ADAMTSL1: variants seen among roughly 807,000 people sequenced by gnomAD.
The protein encoded by ADAMTSL1 is ADAMTS like 1.
A neutral mutation model predicts 201.8 loss-of-function variants in ADAMTSL1; 126 were observed. That is an observed-to-expected ratio of 0.62 (90% CI 0.54 to 0.72). The LOEUF (loss-of-function observed/expected upper bound fraction) is 0.72, where lower values mean the gene tolerates loss of function less well. ADAMTSL1 is among the 30% of genes least tolerant of loss of function. ADAMTSL1 has a pLI of 0.00. For missense variants in ADAMTSL1, 2,679 were observed against 2,277.8 expected, an observed-to-expected ratio of 1.18 and a Z score of -3.59; for synonymous variants, 1,121 against 903.4, an observed-to-expected ratio of 1.24 and a Z score of -4.32.
At chr9:18,820,811 TTC>T (rs1443982250) in intron 21 of ADAMTSL1, among the ~76,000 whole-genome samples, 1 of 152,210 alleles carries the variant, frequency 6.6e-6, no homozygotes, top group Non-Finnish European at 1.5e-5. Flanking sequence ...CCCATGCTTG[TTC>T]TCTATTTGTT....
chr9:17,986,336 A>G (rs1818928423), intron 1 of ADAMTSL1, among the ~76,000 whole-genome samples: 1 of 152,034 alleles, frequency 6.6e-6, no homozygotes. Context: ...TTATACATGT[A>G]AAGGCTGACC....
intron 2 of ADAMTSL1, among the ~76,000 whole-genome samples, chr9:18,429,021 GT>G (rs1453004623): frequency 3.3e-5 from 5 of 152,250 alleles, no homozygotes; most frequent in Admixed American, 6.5e-5. Context: ...TTATCAATGA[GT>G]TTTTTAATGG....
intron 2 of ADAMTSL1, among the ~76,000 whole-genome samples, chr9:18,338,323 C>G (rs930174390): frequency 6.6e-6 from 1 of 152,070 alleles, no homozygotes; most frequent in African/African-American, 2.4e-5. Context: ...ACCTTCGGCC[C>G]CTTTCCTACC....
intron 2 of ADAMTSL1, among the ~76,000 whole-genome samples, chr9:18,391,824 C>CTTTTT (rs11407945): frequency 1.9e-3 from 220 of 116,656 alleles, no homozygotes; most frequent in East Asian, 4.0e-3. Context: ...TCTTTTCTTT[C>CTTTTT]TTTTTTTTTT....
intron 2 of ADAMTSL1, among the ~76,000 whole-genome samples, chr9:18,532,018 A>T (rs975372314): frequency 1.3e-5 from 2 of 152,234 alleles, no homozygotes; most frequent in African/African-American, 2.4e-5. Flanking sequence ...AAATAAATTT[A>T]TACATATAAC....
intron 2 of ADAMTSL1, among the ~76,000 whole-genome samples, chr9:18,230,026 C>T (rs1830590668): frequency 6.6e-6 from 1 of 152,054 alleles, no homozygotes; most frequent in East Asian, 1.9e-4. Context: ...ACCAATATTC[C>T]AGGTACTTTA....
Position 17,975,228 on chromosome 9 carries a change from A to G in ADAMTSL1, c.87+68306A>G, listed in dbSNP as rs140520650. ...TTGGGTCATTTTTTTTTCTTTGGCT[A>G]CTGAGTTGTATGAGTTCTTTACATG... On this transcript the variant is annotated intron_variant, in intron 1 of 29. Coordinates refer to the ADAMTSL1 transcript ENST00000680146. 4.7e-3 allele frequency among the ~76,000 whole-genome samples: 715 copies of G among 151,782 alleles called. 12 individuals carry two copies. The highest frequency in any genetic ancestry group is 0.016 in the African/African-American group (677 of 41,416).
intron 1 of ADAMTSL1, among the ~76,000 whole-genome samples, chr9:18,013,236 C>A (rs936824111): frequency 6.6e-6 from 1 of 151,982 alleles, no homozygotes; most frequent in Non-Finnish European, 1.5e-5. Flanking sequence ...TTGCAGAGCA[C>A]TTTCACATAT....
chr9:18,045,737 C>T (rs1821630452), intron 1 of ADAMTSL1, among the ~76,000 whole-genome samples: 1 of 152,036 alleles, frequency 6.6e-6, no homozygotes, highest in Non-Finnish European at 1.5e-5. Flanking sequence ...AAAAAAAAGC[C>T]TTGAGTTGTT....
chr9:17,979,981 C>G (rs1198972460), intron 1 of ADAMTSL1, among the ~76,000 whole-genome samples: 3 of 152,086 alleles, frequency 2.0e-5, no homozygotes, highest in African/African-American at 7.2e-5. Context: ...TGGAAACCAG[C>G]TTGGCATTGA....
intron 2 of ADAMTSL1, among the ~76,000 whole-genome samples, chr9:18,401,146 A>C (rs1443527808): frequency 6.6e-6 from 1 of 152,190 alleles, no homozygotes; most frequent in Non-Finnish European, 1.5e-5. Context: ...TATTTTTTGG[A>C]AAACTTAATG....
chr9:18,315,808 A>T (rs1481801839), intron 2 of ADAMTSL1, among the ~76,000 whole-genome samples: 1 of 152,236 alleles, frequency 6.6e-6, no homozygotes, highest in Non-Finnish European at 1.5e-5. Flanking sequence ...GTGCTCCTCA[A>T]GCACAGCCAG....
intron 2 of ADAMTSL1, among the ~76,000 whole-genome samples, chr9:18,357,996 A>G (rs1836331160): frequency 6.6e-6 from 1 of 152,112 alleles, no homozygotes; most frequent in Non-Finnish European, 1.5e-5. Flanking sequence ...CTATTTTCCA[A>G]GGAGGCTGTA....
At chr9:18,788,176 C>A (rs949444064) in intron 19 of ADAMTSL1, among the ~76,000 whole-genome samples, 3 of 152,140 alleles carry the variant, frequency 2.0e-5, no homozygotes, top group African/African-American at 7.2e-5. Flanking sequence ...AAATCTGTTG[C>A]CCAAAATTTT....
upstream of ADAMTSL1, among the ~76,000 whole-genome samples, chr9:18,470,135 T>G (rs1821150395): frequency 6.6e-6 from 1 of 152,152 alleles, no homozygotes; most frequent in South Asian, 2.1e-4. Flanking sequence ...AGCCCCAAAT[T>G]TCCTGCCTGC....
At chr9:18,410,351 C>G (rs543924484) in intron 2 of ADAMTSL1, among the ~76,000 whole-genome samples, 44 of 152,218 alleles carry the variant, frequency 2.9e-4, no homozygotes, top group Middle Eastern at 6.8e-3. Flanking sequence ...CCTGATTTCT[C>G]CCTCTCCCCT....
At chr9:18,677,243 G>A (rs1335410534) in intron 10 of ADAMTSL1, among the ~76,000 whole-genome samples, 1 of 151,514 alleles carries the variant, frequency 6.6e-6, no homozygotes, top group Non-Finnish European at 1.5e-5. Flanking sequence ...TATGTCATTA[G>A]TCAGCTCACT....
intron 3 of ADAMTSL1, among the ~76,000 whole-genome samples, chr9:18,566,590 TC>T (rs1460234365): frequency 6.6e-6 from 1 of 152,146 alleles, no homozygotes; most frequent in Non-Finnish European, 1.5e-5. Context: ...GGTAATTCGC[TC>T]CTCAGAATCT....
intron 1 of ADAMTSL1, among the ~76,000 whole-genome samples, chr9:18,012,970 TTA>T (rs1563948564): frequency 2.0e-5 from 3 of 150,978 alleles, no homozygotes; most frequent in Non-Finnish European, 4.4e-5. Context: ...GGCCTCCTTC[TTA>T]CCCACCATTT....
Sources: gnomAD v4.1 joint callset for allele counts (sites outside exome capture counted in the v4.1 genomes callset) on GRCh38, gnomAD v4.1.1 for gene constraint, MANE v1.5 for transcripts, NCBI Gene and HGNC (gene_info 2026-07-23, HGNC 2026-07-21) for gene names.